The following COL5A1 variants were observed in gnomAD, a reference collection of about 807,000 sequenced individuals.
COL5A1 encodes collagen type V alpha 1 chain, also known as collagen alpha-1(V) chain.
Under a neutral mutation model 263.7 loss-of-function variants are expected in COL5A1, and 16 were observed. That is an observed-to-expected ratio of 0.06 (90% CI 0.04 to 0.09). COL5A1 has a LOEUF of 0.09. COL5A1 is among the 10% of genes least tolerant of loss of function. The probability of loss-of-function intolerance (pLI) is 1.00; values close to 1 mark genes in which losing one functional copy is unlikely to be tolerated. For missense variants in COL5A1, 2,036 were observed against 2,540.5 expected (o/e 0.80, Z 4.27); for synonymous variants, 1,012 against 1,004.5 (o/e 1.01, Z -0.14).
intron 11 of COL5A1, among the ~76,000 whole-genome samples, chr9:134,744,487 A>G (rs1835409163): frequency 6.6e-6 from 1 of 151,904 alleles, no homozygotes; most frequent in South Asian, 2.1e-4. Flanking sequence ...ATGCATGCAC[A>G]GTCACCCACA....
chr9:134,754,621 A>G lies in COL5A1; in HGVS notation c.1827+295A>G, dbSNP rs12685536. The stretch of plus-strand genomic sequence containing the variant: ...CCCAGGCCCTTTGGGAGCAAATGTT[A>G]AGAAGACAAAACTATCAGCGGGCCT... On this transcript the variant is annotated intron_variant, in intron 16 of 65. Coordinates refer to ENST00000371817, the MANE Select transcript of COL5A1 (RefSeq NM_000093.5). This position sits in a 1 kb window ranked among gnomAD's most constrained non-coding sequence, Gnocchi z 4.3. Among the ~76,000 whole-genome samples, 29,157 of 152,188 alleles carry G rather than the reference A, an allele frequency of 0.19. 3,110 individuals are homozygous for G. Among genetic ancestry groups the G allele is most frequent in the East Asian group, 0.35 (1,791 of 5,168 alleles).
rs1277468084 is a variant in COL5A1, at chr9:134,741,207, G to A, written c.1494+2399G>A. ...GGCCGGGCTCAGGTGCCTGTGCGGC[G>A]GAGAAACAACATTGTCTCTGCCCTC... On this transcript the variant is annotated intron_variant, in intron 11 of 65. Transcript: ENST00000371817. This position sits in a 1 kb window ranked among gnomAD's most constrained non-coding sequence, Gnocchi z 4.5. Among the ~76,000 whole-genome samples, 5 of 152,220 alleles carry A rather than the reference G, an allele frequency of 3.3e-5. No homozygotes were observed. The highest frequency in any genetic ancestry group is 5.9e-5 in the Non-Finnish European group (4 of 68,042).
chr9:134,658,549 G>A (rs1044265353), intron 1 of COL5A1, among the ~76,000 whole-genome samples: 2 of 152,168 alleles, frequency 1.3e-5, no homozygotes, highest in East Asian at 1.9e-4. Context: ...TGCAGCTAGG[G>A]CCTGGCCGAT....
Position 134,772,838 on chromosome 9 carries a change from G to A in COL5A1, c.2331+4G>A, listed in dbSNP as rs1588532335. The A allele has an allele frequency of 3.7e-6, 6 of 1,613,652 alleles. No individual in the cohort carries two copies. In the Admixed American group the frequency reaches 6.7e-5, roughly 18 times the overall value. On this transcript the variant is annotated splice_donor_region_variant and intron_variant, in intron 26 of 65. Coordinates refer to ENST00000371817, the MANE Select transcript of COL5A1 (RefSeq NM_000093.5). Reference sequence around the variant, plus strand: ...TCCAGGAGAGAAAGGAGGTCAGGTGGGTGCTCGCCACGCCCTCCTACCCTT... The same window carrying A: ...TCCAGGAGAGAAAGGAGGTCAGGTGAGTGCTCGCCACGCCCTCCTACCCTT...
Position 134,814,749 on chromosome 9 carries a change from G to T in COL5A1, c.3907-48G>T, listed in dbSNP as rs371179116. ...CGGGGAGGCCCACCTTGCTCTGGGC[G>T]GCGACGTGGTTGGCTCTGAGGACTT... On this transcript the variant is annotated intron_variant, in intron 49 of 65. Coordinates refer to ENST00000371817, the MANE Select transcript of COL5A1 (RefSeq NM_000093.5). 4 of 1,417,122 alleles carry T rather than the reference G, an allele frequency of 2.8e-6. No individual in the cohort carries two copies. In the South Asian group the frequency reaches 4.9e-5, roughly 17 times the overall value. 87.8% of individuals were successfully genotyped at this position (1,417,122 alleles called of 1,614,324 possible).
Position 134,765,479 on chromosome 9 carries a change from T to A in COL5A1, c.2035-202T>A, listed in dbSNP as rs1836627860. The stretch of plus-strand genomic sequence containing the variant: ...CTCACCAATTCCAGACACCTGCCCC[T>A]GGTTCCCAACACCAGGGTGGGGTGG... On this transcript the variant is annotated intron_variant, in intron 20 of 65. Coordinates refer to ENST00000371817, the MANE Select transcript of COL5A1 (RefSeq NM_000093.5). The surrounding 1 kb of genome is among the most constrained non-coding windows in gnomAD (Gnocchi z 5.1). Among the ~76,000 whole-genome samples the A allele has an allele frequency of 6.6e-6, 1 of 151,994 alleles. No individual in the cohort carries two copies. The highest frequency in any genetic ancestry group is 6.5e-5 in the Admixed American group (1 of 15,280).
At chr9:134,775,195 G>T (rs909732334) in intron 27 of COL5A1, among the ~76,000 whole-genome samples, 4 of 152,388 alleles carry the variant, frequency 2.6e-5, no homozygotes, top group African/African-American at 9.6e-5. Context: ...CATCTGTCAG[G>T]ACGGGACACG....
At position 134,805,506 on chromosome 9, in the gene COL5A1, G is replaced by A. The variant is rs148175755; in HGVS notation, c.3258+292G>A. On this transcript the variant is annotated intron_variant, in intron 41 of 65. Coordinates refer to ENST00000371817, the MANE Select transcript of COL5A1 (RefSeq NM_000093.5). Reference sequence around the variant, plus strand: ...TGGAGCATGCTCCCTGGAGGAGCAAGGAGAAAGCCTACACACCTATCGTGG... The same window carrying A: ...TGGAGCATGCTCCCTGGAGGAGCAAAGAGAAAGCCTACACACCTATCGTGG... 6.4e-3 allele frequency among the ~76,000 whole-genome samples: 970 copies of A among 152,326 alleles called. 9 individuals carry two copies. Among genetic ancestry groups the A allele is most frequent in the African/African-American group, 0.022 (915 of 41,568 alleles).
At chr9:134,743,714 G>A (rs190990633) in intron 11 of COL5A1, among the ~76,000 whole-genome samples, 80 of 152,310 alleles carry the variant, frequency 5.3e-4, no homozygotes, top group African/African-American at 1.9e-3. Flanking sequence ...TAATGATGCT[G>A]CCCGGCGCTG....
chr9:134,736,918 T>G (rs1470465076), intron 9 of COL5A1, among the ~76,000 whole-genome samples: 2 of 152,234 alleles, frequency 1.3e-5, no homozygotes, highest in East Asian at 3.9e-4. Flanking sequence ...AATCTTTCAC[T>G]TGGTGTGCCA....
intron 42 of COL5A1, chr9:134,808,962 G>A (rs1588574350): frequency 1.6e-6 from 1 of 607,676 alleles, no homozygotes. Context: ...CCTAGGATGA[G>A]TGTGGATTAA....
In COL5A1 at chr9:134,647,370, CAT is replaced by C. The variant is rs1209875177; in HGVS notation, c.109+5075_109+5076del. ...TGTGTGCGTTTGTGTGTATGTGTGTCATGTGTGCGTGTGTGTGTGTGTGTGTC... is the reference window on the plus strand; with the variant it reads ...TGTGTGCGTTTGTGTGTATGTGTGTCGTGTGCGTGTGTGTGTGTGTGTGTC... On this transcript the variant is annotated intron_variant, in intron 1 of 65. Transcript: ENST00000371817. This position sits in a 1 kb window ranked among gnomAD's most constrained non-coding sequence, Gnocchi z 5.0. 3.3e-5 allele frequency among the ~76,000 whole-genome samples: 5 copies of C among 151,540 alleles called. No individual in the cohort carries two copies. The highest frequency in any genetic ancestry group is 1.3e-4 in the Admixed American group (2 of 15,258).
chr9:134,824,943 G>A, intron 62 of COL5A1, 88 bp downstream of exon 62: 2 of 1,501,822 alleles, frequency 1.3e-6, no homozygotes, highest in Non-Finnish European at 1.8e-6. Flanking sequence ...GTTCAGCCAG[G>A]CACAGCGGAA....
intron 9 of COL5A1, among the ~76,000 whole-genome samples, chr9:134,737,691 C>T (rs575431704): frequency 4.9e-4 from 75 of 152,270 alleles, no homozygotes; most frequent in African/African-American, 1.8e-3. Flanking sequence ...GGTCTCAGGG[C>T]AGGGAGCCCC....
rs1831318965 is a variant in COL5A1, at chr9:134,642,312, G to A, written c.109+16G>A. 3.5e-6 allele frequency: 3 copies of A among 857,234 alleles called. No individual in the cohort carries two copies. The highest frequency in any genetic ancestry group is 9.1e-5 in the East Asian group (2 of 21,934). The allele number at this position is 857,234 out of a possible 1,614,324, so 53.1% of individuals were successfully genotyped here. ...AGCCGCGCAGGTAAGGGCGCCCCGGGGCGCGGGGCTGCGGGATGGGGCGCG... is the reference window on the plus strand; with the variant it reads ...AGCCGCGCAGGTAAGGGCGCCCCGGAGCGCGGGGCTGCGGGATGGGGCGCG... On this transcript the variant is annotated intron_variant, in intron 1 of 65. Transcript: ENST00000371817. The surrounding 1 kb of genome is among the most constrained non-coding windows in gnomAD (Gnocchi z 4.5).
intron 64 of COL5A1, among the ~76,000 whole-genome samples, chr9:134,834,306 T>C (rs1412454220): frequency 1.3e-5 from 2 of 152,186 alleles, no homozygotes; most frequent in South Asian, 2.1e-4. Flanking sequence ...GCAAGCCATA[T>C]TTTTGAGAAT....
chr9:134,806,043 G>A lies in COL5A1; in HGVS notation c.3259-146G>A. 5.9e-6 allele frequency: 4 copies of A among 680,560 alleles called. No individual in the cohort carries two copies. The South Asian group carries it at 6.7e-5, about 11-fold the overall frequency. The allele number at this position is 680,560 out of a possible 1,614,324, so 42.2% of individuals were successfully genotyped here. A position where few individuals can be genotyped will look rare whatever the true frequency, so the allele number is the denominator to read the frequency against. ...CACAGAGCCCCGAACGCTAGACCAGGTAGTCTGTGCTTGCAAAGGGCCATA... is the reference window on the plus strand; with the variant it reads ...CACAGAGCCCCGAACGCTAGACCAGATAGTCTGTGCTTGCAAAGGGCCATA... On this transcript the variant is annotated intron_variant, in intron 41 of 65. Transcript: ENST00000371817.
chr9:134,817,863 G>A (rs950317066), intron 54 of COL5A1, 32 bp downstream of exon 54: 35 of 1,574,346 alleles, frequency 2.2e-5, no homozygotes, highest in East Asian at 2.3e-5. Context: ...CTGTGACCGC[G>A]TAGACCTCCC....
intron 1 of COL5A1, among the ~76,000 whole-genome samples, chr9:134,663,484 G>T (rs963028277): frequency 6.6e-6 from 1 of 152,204 alleles, no homozygotes; most frequent in Non-Finnish European, 1.5e-5. Context: ...GGGCACTTGA[G>T]GGGGGAGGAT....
Sources: gnomAD v4.1 joint callset for allele counts (sites outside exome capture counted in the v4.1 genomes callset) on GRCh38, gnomAD v4.1.1 for gene constraint, Gnocchi (gnomAD v3.1) non-coding constraint, MANE v1.5 for transcripts, NCBI Gene and HGNC (gene_info 2026-07-23, HGNC 2026-07-21) for gene names.